The following KCNMA1 variants were observed in gnomAD, a reference collection of about 807,000 sequenced individuals.
KCNMA1 encodes the protein Calcium-activated potassium channel subunit alpha-1.
A neutral mutation model predicts 140.0 loss-of-function variants in KCNMA1; 29 were observed. The observed-to-expected ratio is 0.21, with a 90% CI of 0.15 to 0.28. KCNMA1 has a LOEUF of 0.28. KCNMA1 is among the 10% of genes least tolerant of loss of function. The pLI is 1.00. For missense variants in KCNMA1, 880 were observed against 1,602.2 expected (o/e 0.55, Z 7.70); for synonymous variants, 612 against 611.9 (o/e 1.00, Z 0.00).
intron 2 of KCNMA1, among the ~76,000 whole-genome samples, chr10:77,386,382 T>C (rs531088846): frequency 6.6e-6 from 1 of 152,348 alleles, no homozygotes; most frequent in South Asian, 2.1e-4. Flanking sequence ...ATTCCCATTA[T>C]GCTGGAAGGG....
chr10:77,111,164 C>A (rs2097312092), intron 7 of KCNMA1, among the ~76,000 whole-genome samples: 1 of 152,204 alleles, frequency 6.6e-6, no homozygotes, highest in Non-Finnish European at 1.5e-5. Context: ...TTTGATCTGC[C>A]AACAAGGCTA....
intron 22 of KCNMA1, among the ~76,000 whole-genome samples, chr10:76,948,616 T>TGA (rs1480186021): frequency 3.3e-5 from 5 of 152,226 alleles, no homozygotes; most frequent in South Asian, 4.2e-4. Context: ...AACACAACCA[T>TGA]GAACACGTTG....
intron 3 of KCNMA1, among the ~76,000 whole-genome samples, chr10:77,210,985 C>T (rs1240882549): frequency 6.6e-6 from 1 of 152,150 alleles, no homozygotes; most frequent in Non-Finnish European, 1.5e-5. Context: ...AATGGCCATA[C>T]TACCTAAAGC....
intron 1 of KCNMA1, among the ~76,000 whole-genome samples, chr10:77,580,960 G>A (rs1452733486): frequency 6.6e-6 from 1 of 152,204 alleles, no homozygotes; most frequent in African/African-American, 2.4e-5. Flanking sequence ...CTTTGCAGAT[G>A]AGGAAACTGA....
At chr10:76,877,652 C>G, downstream of KCNMA1, 2 of 1,289,804 alleles carry the variant, frequency 1.6e-6, no homozygotes. Flanking sequence ...ACGTTTCCAC[C>G]AGTGATTCAG....
intron 2 of KCNMA1, among the ~76,000 whole-genome samples, chr10:77,256,127 G>A (rs1173756932): frequency 6.6e-6 from 1 of 152,144 alleles, no homozygotes; most frequent in Non-Finnish European, 1.5e-5. Context: ...TCAGGTGATG[G>A]AGCACTTCAG....
At chr10:77,349,478 T>C (rs1373230992) in intron 2 of KCNMA1, among the ~76,000 whole-genome samples, 1 of 152,176 alleles carries the variant, frequency 6.6e-6, no homozygotes, top group Non-Finnish European at 1.5e-5. Flanking sequence ...AAGGATAATA[T>C]TACTTCCATT....
intron 5 of KCNMA1, among the ~76,000 whole-genome samples, chr10:77,152,274 G>A: frequency 7.9e-6 from 1 of 126,242 alleles, no homozygotes; most frequent in East Asian, 3.0e-4. Context: ...CTGTTTTTTT[G>A]CTTTTGTGTG....
At chr10:77,552,982 G>A (rs1319946258) in intron 1 of KCNMA1, among the ~76,000 whole-genome samples, 1 of 152,034 alleles carries the variant, frequency 6.6e-6, no homozygotes, top group Non-Finnish European at 1.5e-5. Context: ...CCAGGAGGTG[G>A]AGGTTGCAGT....
At chr10:77,225,141 C>A (rs866281693) in intron 3 of KCNMA1, among the ~76,000 whole-genome samples, 17 of 152,144 alleles carry the variant, frequency 1.1e-4, no homozygotes, top group Non-Finnish European at 7.3e-5. Flanking sequence ...CAGACTCCTC[C>A]CCTGCAATGT....
intron 1 of KCNMA1, among the ~76,000 whole-genome samples, chr10:77,523,770 A>C (rs2054468687): frequency 6.6e-6 from 1 of 152,184 alleles, no homozygotes; most frequent in Non-Finnish European, 1.5e-5. Context: ...ATCAAATTAG[A>C]GTAGAAAGAG....
At position 77,487,167 on chromosome 10, in the gene KCNMA1, G is replaced by A. The variant is rs189583640; in HGVS notation, c.379-83144C>T. Among the ~76,000 whole-genome samples, 207 of 152,304 alleles carry A rather than the reference G, an allele frequency of 1.4e-3. 2 individuals are homozygous for A. Among genetic ancestry groups the A allele is most frequent in the Non-Finnish European group, 2.5e-3 (173 of 68,024 alleles). On this transcript the variant is annotated intron_variant, in intron 1 of 27. Coordinates refer to ENST00000286628, the MANE Select transcript of KCNMA1 (RefSeq NM_001161352.2). ...AACTCAACACATATAGTAGAATCTA[G>A]ATGAGTAAACCCCCACACAGACTTG...
intron 2 of KCNMA1, among the ~76,000 whole-genome samples, chr10:77,379,930 G>T (rs2095323001): frequency 6.6e-6 from 1 of 152,128 alleles, no homozygotes; most frequent in Non-Finnish European, 1.5e-5. Context: ...TCCCCTATGG[G>T]CTCCACTGAA....
intron 9 of KCNMA1, among the ~76,000 whole-genome samples, chr10:77,098,115 C>A (rs981053765): frequency 6.6e-6 from 1 of 152,158 alleles, no homozygotes; most frequent in Non-Finnish European, 1.5e-5. Flanking sequence ...ACAGTTAGAC[C>A]TCCATAATTA....
chr10:77,520,758 A>C (rs1470489241), intron 1 of KCNMA1, among the ~76,000 whole-genome samples: 1 of 152,052 alleles, frequency 6.6e-6, no homozygotes, highest in East Asian at 1.9e-4. Flanking sequence ...CCTCATTCCC[A>C]TCCTCAACAG....
intron 5 of KCNMA1, among the ~76,000 whole-genome samples, chr10:77,144,467 A>G (rs2098249429): frequency 6.6e-6 from 1 of 152,192 alleles, no homozygotes; most frequent in Non-Finnish European, 1.5e-5. Flanking sequence ...GAAACATTCC[A>G]GGATAGTAAA....
intron 14 of KCNMA1, among the ~76,000 whole-genome samples, chr10:77,058,740 G>T (rs1009381683): frequency 2.6e-5 from 4 of 151,986 alleles, no homozygotes; most frequent in African/African-American, 9.7e-5. Context: ...ATCAAAATTT[G>T]TGGAATGCAG....
Position 77,578,492 on chromosome 10 carries a change from C to A in KCNMA1, c.378+58773G>T, listed in dbSNP as rs182051792. ...GATCAAATGCCCTCTAGAGAAGGGTCTGAGGGAAGCCTGCAGCCCCCAACG... is the reference window on the plus strand; with the variant it reads ...GATCAAATGCCCTCTAGAGAAGGGTATGAGGGAAGCCTGCAGCCCCCAACG... On this transcript the variant is annotated intron_variant, in intron 1 of 27. Coordinates refer to ENST00000286628, the MANE Select transcript of KCNMA1 (RefSeq NM_001161352.2). Among the ~76,000 whole-genome samples, 1,042 of 152,296 alleles carry A rather than the reference C, an allele frequency of 6.8e-3. 12 individuals are homozygous for A. Among genetic ancestry groups the A allele is most frequent in the Middle Eastern group, 0.048 (14 of 294 alleles).
At position 77,108,629 on chromosome 10, in the gene KCNMA1, AC is replaced by A; in HGVS notation, c.1132-58del. 1 of 1,300,622 alleles carries A rather than the reference AC, an allele frequency of 7.7e-7. No individual in the cohort carries two copies. Among genetic ancestry groups the A allele is most frequent in the South Asian group, 1.2e-5 (1 of 84,342 alleles). The allele number at this position is 1,300,622 out of a possible 1,614,324, so 80.6% of individuals were successfully genotyped here. On this transcript the variant is annotated intron_variant, in intron 8 of 27. Transcript: ENST00000286628. This position sits in a 1 kb window ranked among gnomAD's most constrained non-coding sequence, Gnocchi z 4.6. ...AAAGACAGGCCAAAGAAAAGGGGGG[AC>A]CTGTTCAGAGGGTGGGGGCACTAAG...
Sources: gnomAD v4.1 joint callset for allele counts (sites outside exome capture counted in the v4.1 genomes callset) on GRCh38, gnomAD v4.1.1 for gene constraint, Gnocchi (gnomAD v3.1) non-coding constraint, MANE v1.5 for transcripts, NCBI Gene and HGNC (gene_info 2026-07-23, HGNC 2026-07-21) for gene names.